Variants in DACH1 observed in about 807,000 individuals in gnomAD.
DACH1 encodes the protein dachshund family transcription factor 1, also known as dachshund homolog 1.
A neutral mutation model predicts 54.2 loss-of-function variants in DACH1; 12 were observed. The observed-to-expected ratio is 0.22, with a 90% CI of 0.14 to 0.36. The LOEUF (loss-of-function observed/expected upper bound fraction) is 0.36, where lower values mean the gene tolerates loss of function less well. Among genes scored for constraint, DACH1 ranks in the 10% least tolerant of loss-of-function variants. The pLI, the probability that DACH1 is intolerant of heterozygous loss-of-function variation, is 1.00. For synonymous variants in DACH1, 386 were observed against 366.2 expected (o/e 1.05, Z -0.62); for missense variants, 805 against 929.8 (o/e 0.87, Z 1.75).
chr13:71,573,703 C>T (rs915708388), intron 3 of DACH1: 25 of 444,942 alleles, frequency 5.6e-5, no homozygotes, highest in South Asian at 4.3e-4. Context: ...GGAAATAAGC[C>T]GAGGTAAGTA....
chr13:71,804,833 C>T (rs1887431179), intron 1 of DACH1, among the ~76,000 whole-genome samples: 1 of 152,098 alleles, frequency 6.6e-6, no homozygotes, highest in African/African-American at 2.4e-5. Flanking sequence ...TCTTTTTCAA[C>T]ATCCTGACTT....
At chr13:71,565,126 C>T (rs1341617598) in intron 4 of DACH1, among the ~76,000 whole-genome samples, 3 of 152,090 alleles carry the variant, frequency 2.0e-5, no homozygotes, top group Admixed American at 6.6e-5. Flanking sequence ...TTCAGCATGT[C>T]GGTCAGGCTG....
At chr13:71,451,376 C>G (rs368638462) in intron 10 of DACH1, among the ~76,000 whole-genome samples, 2 of 152,004 alleles carry the variant, frequency 1.3e-5, no homozygotes, top group Non-Finnish European at 2.9e-5. Flanking sequence ...GATAAAATAC[C>G]GTATTTGTGT....
rs368691375 is a variant in DACH1, at chr13:71,827,139, C to A, written c.848+38783G>T. Among the ~76,000 whole-genome samples, 8 of 152,036 alleles carry A rather than the reference C, an allele frequency of 5.3e-5. No homozygotes were observed. The East Asian group carries it at 5.8e-4, about 11-fold the overall frequency. On this transcript the variant is annotated intron_variant, in intron 1 of 10. Coordinates refer to ENST00000613252, the MANE Select transcript of DACH1 (RefSeq NM_080759.6). ...ATAGAGTAGAAGAGAAAAAGCTGGA[C>A]TTTGCTGCCTTAGAGTCCAAACTCC...
chr13:71,841,343 T>C (rs960338651), intron 1 of DACH1, among the ~76,000 whole-genome samples: 3 of 152,132 alleles, frequency 2.0e-5, no homozygotes, highest in African/African-American at 7.2e-5. Context: ...ACATAATAAT[T>C]GCACACAGGG....
At chr13:71,613,947 A>G (rs1467244469) in intron 3 of DACH1, among the ~76,000 whole-genome samples, 1 of 152,186 alleles carries the variant, frequency 6.6e-6, no homozygotes, top group East Asian at 1.9e-4. Context: ...TTGGCTTCCA[A>G]AAAGTACCGG....
intron 2 of DACH1, among the ~76,000 whole-genome samples, chr13:71,655,730 C>G (rs2138636855): frequency 6.6e-6 from 1 of 152,252 alleles, no homozygotes; most frequent in East Asian, 1.9e-4. Flanking sequence ...TTAGAAATGA[C>G]ACTTAAATCC....
chr13:71,576,004 A>G (rs1885504680), intron 3 of DACH1, among the ~76,000 whole-genome samples: 1 of 152,128 alleles, frequency 6.6e-6, no homozygotes, highest in Non-Finnish European at 1.5e-5. Flanking sequence ...TATTAAGTGC[A>G]TATTTTCACA....
At chr13:71,817,655 A>T (rs899363149) in intron 1 of DACH1, among the ~76,000 whole-genome samples, 5 of 152,144 alleles carry the variant, frequency 3.3e-5, no homozygotes, top group Non-Finnish European at 5.9e-5. Context: ...AGAAAGTAAA[A>T]CATCTCATTG....
chr13:71,796,039 C>A (rs904822390), intron 1 of DACH1, among the ~76,000 whole-genome samples: 1 of 152,140 alleles, frequency 6.6e-6, no homozygotes, highest in African/African-American at 2.4e-5. Context: ...AAGAAGGAAG[C>A]AAGCAACTCT....
chr13:71,446,639 A>G (rs1452657708), intron 10 of DACH1, among the ~76,000 whole-genome samples: 1 of 152,172 alleles, frequency 6.6e-6, no homozygotes, highest in Non-Finnish European at 1.5e-5. Context: ...CTTTTCCTCT[A>G]ATAAGCAACT....
intron 6 of DACH1, among the ~76,000 whole-genome samples, chr13:71,531,190 G>A (rs1882392514): frequency 6.6e-6 from 1 of 151,816 alleles, no homozygotes; most frequent in African/African-American, 2.4e-5. Flanking sequence ...TAACTTTTCG[G>A]GAAGAGTTAT....
chr13:71,860,939 G>T (rs550729382), intron 1 of DACH1, among the ~76,000 whole-genome samples: 37 of 152,088 alleles, frequency 2.4e-4, no homozygotes, highest in African/African-American at 8.9e-4. Flanking sequence ...AGCATATCAT[G>T]TTTTCATATG....
At chr13:71,477,102 AT>A (rs1406742280) in intron 8 of DACH1, among the ~76,000 whole-genome samples, 173 of 54,678 alleles carry the variant, frequency 3.2e-3, no homozygotes, top group Non-Finnish European at 5.1e-3. Flanking sequence ...ATATATATAT[AT>A]ATTTTTTTTT....
intron 6 of DACH1, 80 bp downstream of exon 6, chr13:71,556,944 T>G (rs1471933866): frequency 7.3e-7 from 1 of 1,377,880 alleles, no homozygotes; most frequent in East Asian, 2.6e-5. Flanking sequence ...GATGTAGAGA[T>G]AGACTTCATT....
chr13:71,649,194 C>G (rs1878503229), intron 2 of DACH1, among the ~76,000 whole-genome samples: 3 of 151,982 alleles, frequency 2.0e-5, no homozygotes, highest in Admixed American at 6.6e-5. Flanking sequence ...GGTTTGTAAC[C>G]TAGAAGCAAT....
chr13:71,667,401 T>C (rs931276993), intron 2 of DACH1, among the ~76,000 whole-genome samples: 2 of 152,172 alleles, frequency 1.3e-5, no homozygotes, highest in Non-Finnish European at 2.9e-5. Flanking sequence ...GTTCAGATGA[T>C]GGGATGATAC....
intron 10 of DACH1, among the ~76,000 whole-genome samples, chr13:71,468,441 T>A (rs984351332): frequency 6.6e-6 from 1 of 152,142 alleles, no homozygotes; most frequent in Non-Finnish European, 1.5e-5. Context: ...TCTTAACTAT[T>A]AGCTTCCATA....
chr13:71,621,407 C>G (rs1478563298), intron 3 of DACH1, among the ~76,000 whole-genome samples: 1 of 152,048 alleles, frequency 6.6e-6, no homozygotes, highest in Admixed American at 6.6e-5. Flanking sequence ...AGCAGTATGG[C>G]TGGGATGACA....
Sources: allele counts gnomAD v4.1 joint callset (sites outside exome capture counted in the v4.1 genomes callset), GRCh38; gene constraint gnomAD v4.1.1; transcripts MANE v1.5; gene names NCBI Gene and HGNC (gene_info 2026-07-23, HGNC 2026-07-21).